The following BEST3 variants were observed in gnomAD, a reference collection of about 807,000 sequenced individuals.
The protein encoded by BEST3 is bestrophin-3.
In BEST3, 50 loss-of-function variants were observed where a neutral mutation model predicts 47.1. The observed-to-expected ratio is 1.06, with a 90% CI of 0.85 to 1.34. BEST3 has a LOEUF of 1.34. Ranked by LOEUF, BEST3 falls within the 40% of genes most tolerant of loss-of-function variation. The pLI, the probability that BEST3 is intolerant of heterozygous loss-of-function variation, is 0.00. For missense variants in BEST3, 765 were observed against 817.0 expected (o/e 0.94, Z 0.78); for synonymous variants, 282 against 298.8 (o/e 0.94, Z 0.58).
chr12:69,697,555 G>A (rs1886177344), intron 2 of BEST3, 92 bp downstream of exon 2: 27 of 1,059,438 alleles, frequency 2.5e-5, no homozygotes, highest in Non-Finnish European at 3.3e-5. Flanking sequence ...TCCATAATGC[G>A]AAGTCAGTGG....
rs1886055755 is a variant in BEST3, at chr12:69,694,373, G to A, written c.244C>T (p.Leu82Phe). ...TCTGCGTGTGACCTATACTTACCAA[G>A]CACAAAGGTTACTGGAATTTGTTCA... ...YAEQIPVTFV[L>F]GFYVTLVVNR... Residue 82 changes from leucine to phenylalanine, a missense_variant, in exon 3 of 10, where the codon CTT becomes TTT. Physicochemically the swap from Leu to Phe is conservative, Grantham distance 22. Coordinates refer to ENST00000330891, the MANE Select transcript of BEST3 (RefSeq NM_032735.3). 1.3e-6 allele frequency: 2 copies of A among 1,598,230 alleles called. No homozygotes were observed. Among genetic ancestry groups the A allele is most frequent in the Non-Finnish European group, 8.5e-7 (1 of 1,170,098 alleles).
At chr12:69,667,279 C>A (rs770734279) in intron 9 of BEST3, among the ~76,000 whole-genome samples, 44 of 152,076 alleles carry the variant, frequency 2.9e-4, no homozygotes, top group Non-Finnish European at 4.9e-4. Context: ...GCACTGGCTC[C>A]TAATTCATTC....
chr12:69,655,611 G>A lies in BEST3; in HGVS notation c.1303C>T (p.Leu435=), dbSNP rs560586882. Residue 435 remains leucine (L), a synonymous_variant, in exon 10 of 10, where the codon CTA becomes TTA. Coordinates refer to ENST00000330891, the MANE Select transcript of BEST3 (RefSeq NM_032735.3). ...PRDDLSPARD[L]LDVPSRNPPR... is the part of the protein sequence containing the mutation. ...GGGTTTCTTGAGGGCACATCCAGTA[G>A]GTCCCTGGCTGGGCTGAGGTCATCT... 1.4e-5 allele frequency: 22 copies of A among 1,613,974 alleles called. No homozygotes were observed. In the South Asian group the frequency reaches 2.0e-4, roughly 15 times the overall value.
intron 4 of BEST3, among the ~76,000 whole-genome samples, chr12:69,685,689 A>G (rs1263881048): frequency 1.3e-5 from 2 of 152,132 alleles, no homozygotes; most frequent in East Asian, 3.9e-4. Flanking sequence ...AGCCTGTTTA[A>G]AATGTCAATT....
chr12:69,696,477 G>A (rs1226370069), intron 2 of BEST3, among the ~76,000 whole-genome samples: 3 of 152,074 alleles, frequency 2.0e-5, no homozygotes, highest in Non-Finnish European at 2.9e-5. Flanking sequence ...TTCATATTCT[G>A]AAGGCTTAGG....
intron 4 of BEST3, among the ~76,000 whole-genome samples, chr12:69,686,477 T>A (rs1305629137): frequency 6.6e-6 from 1 of 151,736 alleles, no homozygotes; most frequent in Non-Finnish European, 1.5e-5. Flanking sequence ...TCAACAGAGA[T>A]AAAAGAAAAT....
downstream of BEST3, among the ~76,000 whole-genome samples, chr12:69,649,251 G>A (rs1237532928): frequency 6.6e-6 from 1 of 152,222 alleles, no homozygotes; most frequent in Non-Finnish European, 1.5e-5. Context: ...GCCCGCCTTG[G>A]CCTCCCAAAG....
At chr12:69,647,312 G>T (rs1034456493) in intron 9 of BEST3, among the ~76,000 whole-genome samples, 2 of 152,168 alleles carry the variant, frequency 1.3e-5, no homozygotes, top group Admixed American at 6.5e-5. Flanking sequence ...TTGCAGTTTA[G>T]TGTGATACAA....
Position 69,655,417 on chromosome 12 carries a change from C to A in BEST3, c.1497G>T (p.Leu499=). ...CTGCTGTGATCAATACCTCAGGTAC[C>A]AGTGGCATTTTGATGGGGGAAGTTC... ...SVRTSPIKMP[L]VPEVLITAAE... is the part of the protein sequence containing the mutation. Residue 499 remains leucine (L), a synonymous_variant, in exon 10 of 10, where the codon CTG becomes CTT. Coordinates refer to ENST00000330891, the MANE Select transcript of BEST3 (RefSeq NM_032735.3). 1 of 1,614,124 alleles carries A rather than the reference C, an allele frequency of 6.2e-7. No individual in the cohort carries two copies. The highest frequency in any genetic ancestry group is 8.5e-7 in the Non-Finnish European group (1 of 1,180,014).
chr12:69,683,831 G>C (rs1592363628), intron 4 of BEST3: 1 of 152,122 alleles, frequency 6.6e-6, no homozygotes, highest in African/African-American at 2.4e-5. Flanking sequence ...GATTTTGGGG[G>C]TTCACAAAAG....
chr12:69,690,728 T>C (rs1275486472), intron 4 of BEST3, among the ~76,000 whole-genome samples: 1 of 152,244 alleles, frequency 6.6e-6, no homozygotes, highest in Admixed American at 6.5e-5. Flanking sequence ...ATACGTTTCT[T>C]GTTTGTTTTT....
At chr12:69,659,680 A>G (rs1056689451) in intron 9 of BEST3, among the ~76,000 whole-genome samples, 12 of 149,544 alleles carry the variant, frequency 8.0e-5, no homozygotes, top group Admixed American at 3.4e-4. Flanking sequence ...AGTATTTCCC[A>G]AATGGGAGGC....
chr12:69,689,652 C>A (rs908587895), intron 4 of BEST3, among the ~76,000 whole-genome samples: 7 of 152,180 alleles, frequency 4.6e-5, no homozygotes, highest in African/African-American at 1.4e-4. Flanking sequence ...GATTGTGTCA[C>A]AGGACCCTTG....
At chr12:69,677,300 G>T (rs759561779) in intron 5 of BEST3, 43 bp from the exon 6 acceptor site, 52 of 1,542,298 alleles carry the variant, frequency 3.4e-5, no homozygotes, top group Non-Finnish European at 4.5e-5. Context: ...AAGATGACGG[G>T]TGTGGTAATA....
downstream of BEST3, among the ~76,000 whole-genome samples, chr12:69,650,400 G>A (rs1010546050): frequency 1.3e-5 from 2 of 152,140 alleles, no homozygotes; most frequent in African/African-American, 2.4e-5. Flanking sequence ...AAAAAAGCAT[G>A]CAAAAGTATT....
chr12:69,693,549 G>A, intron 4 of BEST3, 125 bp downstream of exon 4: 1 of 823,316 alleles, frequency 1.2e-6, no homozygotes. Flanking sequence ...ACAGGCATGA[G>A]CCACCGCGCC....
downstream of BEST3, among the ~76,000 whole-genome samples, chr12:69,650,823 A>G (rs1314536895): frequency 6.6e-6 from 1 of 152,228 alleles, no homozygotes; most frequent in African/African-American, 2.4e-5. Flanking sequence ...ACAGTGAAGA[A>G]CTATGACAAA....
At chr12:69,649,839 C>T (rs1020552791), downstream of BEST3, among the ~76,000 whole-genome samples, 4 of 152,320 alleles carry the variant, frequency 2.6e-5, no homozygotes, top group African/African-American at 4.8e-5. Context: ...AAACCTGGAA[C>T]GCACCAGCGC....
downstream of BEST3, among the ~76,000 whole-genome samples, chr12:69,651,786 G>GA (rs5798944): frequency 3.8e-3 from 372 of 97,196 alleles, 2 homozygotes; most frequent in African/African-American, 0.011. Flanking sequence ...AAAAAAAAAA[G>GA]AAAAAAAAAA....
Sources: gnomAD v4.1 joint callset for allele counts (sites outside exome capture counted in the v4.1 genomes callset) on GRCh38, gnomAD v4.1.1 for gene constraint, MANE v1.5 for transcripts, NCBI Gene and HGNC (gene_info 2026-07-23, HGNC 2026-07-21) for gene names.